The following NAV3 variants were observed in gnomAD, a reference collection of about 807,000 sequenced individuals.
The protein encoded by NAV3 is neuron navigator 3, also known as pore membrane and/or filament interacting like protein 1.
NAV3 carries 87 observed loss-of-function variants against 244.7 expected under a neutral mutation model. The ratio of observed to expected loss-of-function variants is 0.36; its 90% confidence interval spans 0.30 to 0.42. The LOEUF is 0.42. NAV3 is among the 20% of genes least tolerant of loss of function. The pLI is 1.00. For missense variants in NAV3, 2,663 were observed against 2,893.3 expected, an observed-to-expected ratio of 0.92 and a Z score of 1.83; for synonymous variants, 1,126 against 1,042.2, an observed-to-expected ratio of 1.08 and a Z score of -1.55.
At chr12:78,197,446 T>G (rs372026137) in intron 35 of NAV3, 45 bp downstream of exon 35, 7 of 1,458,196 alleles carry the variant, frequency 4.8e-6, no homozygotes, top group Non-Finnish European at 6.4e-6. Flanking sequence ...GAAATAATTA[T>G]CATCAAATTT....
intron 2 of NAV3, among the ~76,000 whole-genome samples, chr12:77,660,097 G>T (rs1005511792): frequency 6.6e-6 from 1 of 151,644 alleles, no homozygotes; most frequent in East Asian, 1.9e-4. Context: ...TACCCTAAAA[G>T]TTAAAGTATC....
chr12:78,150,909 AT>A (rs1184358245), intron 22 of NAV3, among the ~76,000 whole-genome samples: 3 of 151,928 alleles, frequency 2.0e-5, no homozygotes, highest in East Asian at 3.9e-4. Context: ...AGGTTCTTGC[AT>A]TTTTTTAAGT....
chr12:77,586,943 A>G (rs1002084594), intron 2 of NAV3, among the ~76,000 whole-genome samples: 10 of 152,186 alleles, frequency 6.6e-5, no homozygotes, highest in Non-Finnish European at 1.5e-4. Context: ...AATGAAAGCC[A>G]GAGGAACAAG....
chr12:78,206,577 G>A (rs1332060305), intron 39 of NAV3, among the ~76,000 whole-genome samples: 1 of 152,022 alleles, frequency 6.6e-6, no homozygotes, highest in Non-Finnish European at 1.5e-5. Flanking sequence ...TCATAGTCCA[G>A]CTCAGCTCAC....
intron 9 of NAV3, among the ~76,000 whole-genome samples, chr12:78,044,628 T>G (rs1028226471): frequency 2.0e-5 from 3 of 152,114 alleles, no homozygotes; most frequent in Non-Finnish European, 4.4e-5. Context: ...TTGTAGTTCT[T>G]TTTGAAGAGG....
At chr12:77,883,677 C>G (rs1304525252) in intron 1 of NAV3, among the ~76,000 whole-genome samples, 1 of 152,106 alleles carries the variant, frequency 6.6e-6, no homozygotes, top group East Asian at 1.9e-4. Context: ...GTGAGAGAGA[C>G]AGAGTGAGGT....
At chr12:78,071,786 A>G (rs558704038) in intron 12 of NAV3, among the ~76,000 whole-genome samples, 2 of 152,186 alleles carry the variant, frequency 1.3e-5, no homozygotes, top group South Asian at 4.2e-4. Flanking sequence ...ATAGTTGTAG[A>G]TATGCGGCCC....
At chr12:78,162,891 A>ATAAATATATATAATATATAAT (rs1491525428) in intron 23 of NAV3, among the ~76,000 whole-genome samples, 4 of 127,764 alleles carry the variant, frequency 3.1e-5, no homozygotes, top group Non-Finnish European at 5.2e-5. Context: ...TAATATATAT[A>ATAAATATATATAATATATAAT]ATATATATAT....
At chr12:77,800,355 C>G (rs963281612) in intron 2 of NAV3, among the ~76,000 whole-genome samples, 2 of 152,156 alleles carry the variant, frequency 1.3e-5, no homozygotes, top group African/African-American at 4.8e-5. Flanking sequence ...ACAAATCACA[C>G]CAACTTCAGT....
At chr12:77,906,255 C>A (rs1885960790) in intron 1 of NAV3, among the ~76,000 whole-genome samples, 1 of 151,908 alleles carries the variant, frequency 6.6e-6, no homozygotes, top group Non-Finnish European at 1.5e-5. Flanking sequence ...CACAGAAAGG[C>A]AGAGAGACAG....
At chr12:78,135,672 C>G (rs1364593834) in intron 18 of NAV3, among the ~76,000 whole-genome samples, 1 of 152,154 alleles carries the variant, frequency 6.6e-6, no homozygotes, top group Non-Finnish European at 1.5e-5. Flanking sequence ...ATCTTGCCAC[C>G]TTAAACATAA....
intron 1 of NAV3, among the ~76,000 whole-genome samples, chr12:77,940,040 G>A (rs1234676702): frequency 2.0e-5 from 3 of 152,122 alleles, no homozygotes; most frequent in East Asian, 3.9e-4. Context: ...GATTTGCAAT[G>A]GGAGTTTCCT....
rs1198658983 is a variant in NAV3, at chr12:78,197,367, T to C, written c.6412T>C (p.Phe2138Leu). The C allele has an allele frequency of 6.2e-7, 1 of 1,602,256 alleles. No homozygotes were observed. The highest frequency in any genetic ancestry group is 8.5e-7 in the Non-Finnish European group (1 of 1,173,736). Residue 2138 changes from phenylalanine to leucine, a missense_variant, in exon 35 of 40, where the codon TTC becomes CTC. By Grantham distance (22) the Phe-to-Leu change is conservative (BLOSUM62 0). This residue lies in a region of NAV3 where 543 missense variants were observed against 672.4 expected (regional missense o/e 0.81). Transcript: ENST00000397909. ...TCATGTGGGCTCTCTGAGTGATATC[T>C]TCAATGGTTTTCTCAATTGTAAATA... ...LHHVGSLSDI[F>L]NGFLNCKYNK... is the part of the protein sequence containing the mutation.
intron 5 of NAV3, among the ~76,000 whole-genome samples, chr12:77,993,067 C>A (rs1003684834): frequency 5.7e-4 from 87 of 152,266 alleles, no homozygotes; most frequent in African/African-American, 2.0e-3. Flanking sequence ...CACACATGGA[C>A]CATAAAATGA....
At chr12:78,148,748 G>A in intron 21 of NAV3, 94 bp from the exon 22 acceptor site, 1 of 1,053,908 alleles carries the variant, frequency 9.5e-7, no homozygotes, top group Non-Finnish European at 1.4e-6. Context: ...GGGTTAGAAT[G>A]AGCTAAATAC....
intron 34 of NAV3, among the ~76,000 whole-genome samples, chr12:78,191,927 A>G (rs1347978981): frequency 6.6e-6 from 1 of 152,184 alleles, no homozygotes; most frequent in African/African-American, 2.4e-5. Flanking sequence ...AGAGCAAAAT[A>G]GATTTATTGG....
chr12:77,940,259 A>G, intron 1 of NAV3, 60 bp from the exon 2 acceptor site: 1 of 1,246,402 alleles, frequency 8.0e-7, no homozygotes, highest in Non-Finnish European at 1.2e-6. Context: ...TGTCTTCAGC[A>G]TTTTATTGTC....
intron 4 of NAV3, among the ~76,000 whole-genome samples, chr12:77,967,123 G>A (rs1892591023): frequency 6.6e-6 from 1 of 151,948 alleles, no homozygotes. Context: ...AAATTCCCCA[G>A]GATAATATGT....
At chr12:77,779,321 T>G (rs2135908842) in intron 2 of NAV3, among the ~76,000 whole-genome samples, 1 of 152,344 alleles carries the variant, frequency 6.6e-6, no homozygotes, top group South Asian at 2.1e-4. Context: ...AAACCAACCA[T>G]TCCAGTAAAA....
Sources: gnomAD v4.1 joint callset for allele counts (sites outside exome capture counted in the v4.1 genomes callset) on GRCh38, gnomAD v4.1.1 for gene constraint, gnomAD v4.1.1 regional missense constraint, MANE v1.5 for transcripts, NCBI Gene and HGNC (gene_info 2026-07-23, HGNC 2026-07-21) for gene names.